Variants in SORCS1 observed in about 807,000 individuals in gnomAD.
The protein encoded by SORCS1 is sortilin related VPS10 domain containing receptor 1.
Under a neutral mutation model 146.1 loss-of-function variants are expected in SORCS1, and 60 were observed. The observed-to-expected ratio is 0.41, with a 90% CI of 0.33 to 0.51. The LOEUF (loss-of-function observed/expected upper bound fraction) is 0.51, where lower values mean the gene tolerates loss of function less well. SORCS1 is among the 20% of genes least tolerant of loss of function. The pLI is 0.21. For missense variants in SORCS1, 1,352 were observed against 1,487.6 expected, an observed-to-expected ratio of 0.91 and a Z score of 1.50; for synonymous variants, 637 against 584.0, an observed-to-expected ratio of 1.09 and a Z score of -1.31.
At chr10:106,816,673 T>C (rs578198597) in intron 3 of SORCS1, among the ~76,000 whole-genome samples, 3 of 152,322 alleles carry the variant, frequency 2.0e-5, no homozygotes, top group East Asian at 3.9e-4. Context: ...TTGAAAATGA[T>C]TGGTAATTCT....
At chr10:106,641,929 C>G (rs1296065725) in intron 18 of SORCS1, among the ~76,000 whole-genome samples, 1 of 152,078 alleles carries the variant, frequency 6.6e-6, no homozygotes, top group Non-Finnish European at 1.5e-5. Flanking sequence ...CAAACCAAAA[C>G]ATATATTCCC....
At chr10:106,833,626 C>T (rs1948659281) in intron 2 of SORCS1, among the ~76,000 whole-genome samples, 1 of 152,160 alleles carries the variant, frequency 6.6e-6, no homozygotes, top group African/African-American at 2.4e-5. Context: ...AAGATTGAGG[C>T]CTGGCACAGC....
At chr10:106,814,419 A>G (rs1462885631) in intron 3 of SORCS1, among the ~76,000 whole-genome samples, 2 of 152,214 alleles carry the variant, frequency 1.3e-5, no homozygotes, top group Admixed American at 6.5e-5. Flanking sequence ...ACAGTAAACT[A>G]TGATAGAAGA....
At chr10:106,930,376 A>T (rs542618470) in intron 2 of SORCS1, among the ~76,000 whole-genome samples, 1 of 152,318 alleles carries the variant, frequency 6.6e-6, no homozygotes, top group South Asian at 2.1e-4. Flanking sequence ...CAGACTCATT[A>T]TGCTTATGCT....
chr10:106,866,652 T>C (rs907093533), intron 2 of SORCS1, among the ~76,000 whole-genome samples: 1 of 152,082 alleles, frequency 6.6e-6, no homozygotes, highest in Non-Finnish European at 1.5e-5. Flanking sequence ...AGAGGAAACA[T>C]GGGGAAGCCA....
At chr10:106,710,095 T>G (rs1047287827) in intron 6 of SORCS1, among the ~76,000 whole-genome samples, 11 of 152,144 alleles carry the variant, frequency 7.2e-5, no homozygotes, top group African/African-American at 2.2e-4. Context: ...ATGATAAAAA[T>G]GATGTGGTTA....
At chr10:106,615,560 T>G (rs1235174091) in intron 21 of SORCS1, among the ~76,000 whole-genome samples, 1 of 152,144 alleles carries the variant, frequency 6.6e-6, no homozygotes, top group Non-Finnish European at 1.5e-5. Flanking sequence ...ATGCCTGTAA[T>G]CTCAGTACTT....
chr10:107,005,863 A>G (rs1334142373), intron 1 of SORCS1, among the ~76,000 whole-genome samples: 3 of 152,206 alleles, frequency 2.0e-5, no homozygotes, highest in Non-Finnish European at 4.4e-5. Context: ...AACTATAACT[A>G]TCCAAATGAG....
chr10:106,741,625 A>G (rs1286623325), intron 5 of SORCS1, among the ~76,000 whole-genome samples: 2 of 151,472 alleles, frequency 1.3e-5, no homozygotes, highest in Non-Finnish European at 2.9e-5. Context: ...TTATATATAG[A>G]GAGAGAGAGA....
At chr10:106,643,008 C>T (rs879480485) in intron 18 of SORCS1, among the ~76,000 whole-genome samples, 2 of 152,144 alleles carry the variant, frequency 1.3e-5, no homozygotes, top group African/African-American at 2.4e-5. Context: ...TAATCCCAGC[C>T]GTGGGTTTCT....
At chr10:107,132,347 C>G (rs560656827) in intron 1 of SORCS1, among the ~76,000 whole-genome samples, 24 of 152,340 alleles carry the variant, frequency 1.6e-4, no homozygotes, top group African/African-American at 5.8e-4. Context: ...TTGTTTAGCA[C>G]TATCCCACCC....
chr10:106,655,860 C>T (rs572094576), intron 17 of SORCS1, among the ~76,000 whole-genome samples: 2 of 152,190 alleles, frequency 1.3e-5, no homozygotes, highest in East Asian at 3.9e-4. Flanking sequence ...CAGCAGCTGT[C>T]CCTGGGTCTG....
intron 24 of SORCS1, among the ~76,000 whole-genome samples, chr10:106,579,953 TATA>T (rs1187637784): frequency 2.6e-5 from 4 of 151,636 alleles, no homozygotes; most frequent in Admixed American, 6.6e-5. Flanking sequence ...ATATTTATAA[TATA>T]ATAATTATAT....
At chr10:106,934,070 G>A (rs967135266) in intron 2 of SORCS1, among the ~76,000 whole-genome samples, 2 of 147,556 alleles carry the variant, frequency 1.4e-5, no homozygotes, top group Non-Finnish European at 3.0e-5. Flanking sequence ...CTCCAGCCTG[G>A]GCAACAGAGT....
At chr10:107,147,992 G>T (rs1968477119) in intron 1 of SORCS1, among the ~76,000 whole-genome samples, 1 of 152,198 alleles carries the variant, frequency 6.6e-6, no homozygotes, top group African/African-American at 2.4e-5. Flanking sequence ...TTAAATAATG[G>T]AAAGGATTTA....
intron 3 of SORCS1, among the ~76,000 whole-genome samples, chr10:106,806,634 G>T (rs1330539366): frequency 7.0e-6 from 1 of 143,772 alleles, no homozygotes; most frequent in Non-Finnish European, 1.5e-5. Flanking sequence ...TCCTGCCTCA[G>T]CCTCCCGAGT....
chr10:107,136,283 T>C (rs1033523929), intron 1 of SORCS1, among the ~76,000 whole-genome samples: 30 of 152,278 alleles, frequency 2.0e-4, no homozygotes, highest in Admixed American at 1.1e-3. Context: ...AGGACAAAAG[T>C]CCTGGCTTTC....
chr10:106,774,255 T>C (rs1019040897), intron 4 of SORCS1, among the ~76,000 whole-genome samples: 2 of 152,212 alleles, frequency 1.3e-5, no homozygotes, highest in Non-Finnish European at 2.9e-5. Context: ...GACCTCATAT[T>C]ACCACAGTTT....
At chr10:106,621,607 G>A (rs964134078) in intron 19 of SORCS1, among the ~76,000 whole-genome samples, 3 of 151,738 alleles carry the variant, frequency 2.0e-5, no homozygotes, top group African/African-American at 4.8e-5. Context: ...TTCTGGGGGG[G>A]TCTAGACTTC....
Sources: gnomAD v4.1 joint callset for allele counts (sites outside exome capture counted in the v4.1 genomes callset) on GRCh38, gnomAD v4.1.1 for gene constraint, MANE v1.5 for transcripts, NCBI Gene and HGNC (gene_info 2026-07-23, HGNC 2026-07-21) for gene names.